Variants in ELAPOR2 observed in about 807,000 individuals in gnomAD.
ELAPOR2 encodes the protein endosome-lysosome associated apoptosis and autophagy regulator family member 2.
A neutral mutation model predicts 120.7 loss-of-function variants in ELAPOR2; 89 were observed. The observed-to-expected ratio is 0.74, with a 90% CI of 0.62 to 0.88. The LOEUF (loss-of-function observed/expected upper bound fraction) is 0.88. Among genes scored for constraint, ELAPOR2 ranks in the 40% least tolerant of loss-of-function variants. The pLI is 0.00. For synonymous variants in ELAPOR2, 444 were observed against 444.9 expected (o/e 1.00, Z 0.03); for missense variants, 1,134 against 1,251.6 (o/e 0.91, Z 1.42).
At chr7:86,971,045 A>C (rs1046291124) in intron 1 of ELAPOR2, among the ~76,000 whole-genome samples, 3 of 152,174 alleles carry the variant, frequency 2.0e-5, no homozygotes, top group Non-Finnish European at 4.4e-5. Flanking sequence ...GAAAGTACAT[A>C]AGGTTTCTTT....
chr7:87,041,907 A>G (rs1452668103), intron 1 of ELAPOR2, among the ~76,000 whole-genome samples: 2 of 151,860 alleles, frequency 1.3e-5, no homozygotes. Context: ...AAATAAAAGG[A>G]TGGAGGAAGA....
At chr7:86,897,392 A>G in intron 19 of ELAPOR2, 114 bp downstream of exon 19, 4 of 1,283,250 alleles carry the variant, frequency 3.1e-6, no homozygotes, top group Non-Finnish European at 4.3e-6. Flanking sequence ...CTACCAATGT[A>G]ACATTAAGTT....
chr7:86,940,077 T>C lies in ELAPOR2; in HGVS notation c.780A>G (p.Arg260=), dbSNP rs1417136378. 1.2e-6 allele frequency: 2 copies of C among 1,612,370 alleles called. No homozygotes were observed. The highest frequency in any genetic ancestry group is 3.3e-5 in the Admixed American group (2 of 59,916). ...TAGAACCCATAAGGATGCCTGTAGT[T>C]CTCCAGTAGAGTATGTTTGTGCCTG... ...LKSGTNILYW[R]TTGILMGSKA... is the part of the protein sequence containing the mutation. Residue 260 remains arginine (R), a synonymous_variant, in exon 6 of 22, where the codon AGA becomes AGG. Coordinates refer to ENST00000450689, the MANE Select transcript of ELAPOR2 (RefSeq NM_001142749.3).
chr7:86,966,363 T>C (rs368870760), intron 1 of ELAPOR2, among the ~76,000 whole-genome samples: 10 of 152,326 alleles, frequency 6.6e-5, no homozygotes, highest in African/African-American at 2.2e-4. Flanking sequence ...AGTATCACTT[T>C]CAATATTTTT....
intron 18 of ELAPOR2, among the ~76,000 whole-genome samples, chr7:86,897,918 C>T (rs1165643358): frequency 1.3e-5 from 2 of 152,124 alleles, no homozygotes; most frequent in Admixed American, 6.6e-5. Flanking sequence ...TGTGCACCTG[C>T]TTTGAAAAGT....
intron 1 of ELAPOR2, among the ~76,000 whole-genome samples, chr7:87,034,261 C>G (rs111754560): frequency 0.024 from 3,690 of 152,034 alleles, 173 homozygotes; most frequent in African/African-American, 0.085. Context: ...GAAGATGCGG[C>G]GGTTCAAGCT....
chr7:87,011,249 CAA>C (rs772971682), intron 1 of ELAPOR2, among the ~76,000 whole-genome samples: 7 of 52,968 alleles, frequency 1.3e-4, no homozygotes, highest in Admixed American at 6.5e-4. Flanking sequence ...GACTCCATCT[CAA>C]AAAAAAAAAA....
intron 21 of ELAPOR2, among the ~76,000 whole-genome samples, chr7:86,882,191 T>C (rs1026749734): frequency 2.0e-5 from 3 of 152,184 alleles, no homozygotes; most frequent in East Asian, 1.9e-4. Flanking sequence ...CCATTAGCAG[T>C]TGAAATATTT....
chr7:87,018,530 A>G (rs1279817329), intron 1 of ELAPOR2, among the ~76,000 whole-genome samples: 1 of 152,202 alleles, frequency 6.6e-6, no homozygotes, highest in Non-Finnish European at 1.5e-5. Context: ...GGTAAAAACA[A>G]TTTCACCCAA....
chr7:86,999,140 A>G (rs1345886393), intron 1 of ELAPOR2, among the ~76,000 whole-genome samples: 2 of 151,966 alleles, frequency 1.3e-5, no homozygotes, highest in Non-Finnish European at 2.9e-5. Context: ...TACCCAGTCA[A>G]TATCACCCAA....
chr7:86,909,251 C>A (rs1432068682), intron 16 of ELAPOR2, among the ~76,000 whole-genome samples: 3 of 152,044 alleles, frequency 2.0e-5, no homozygotes, highest in African/African-American at 4.8e-5. Context: ...GTTAAAACCA[C>A]AGATTCCTAA....
At chr7:86,979,943 A>G (rs1157412753) in intron 1 of ELAPOR2, among the ~76,000 whole-genome samples, 1 of 152,200 alleles carries the variant, frequency 6.6e-6, no homozygotes, top group Admixed American at 6.5e-5. Context: ...GAAACTAAAA[A>G]TCATGGTTTC....
intron 8 of ELAPOR2, among the ~76,000 whole-genome samples, chr7:86,934,067 G>A (rs1790454918): frequency 6.6e-6 from 1 of 151,942 alleles, no homozygotes; most frequent in South Asian, 2.1e-4. Context: ...TGTAGTGAAT[G>A]TTTATTGAGA....
Position 87,026,461 on chromosome 7 carries a change from A to G in ELAPOR2, c.189+32864T>C, listed in dbSNP as rs529450720. Among the ~76,000 whole-genome samples, 1,066 of 152,082 alleles carry G rather than the reference A, an allele frequency of 7.0e-3. 15 individuals are homozygous for G. Among genetic ancestry groups the G allele is most frequent in the African/African-American group, 0.024 (1,011 of 41,530 alleles). ...ATACAAAGTTAGGAATTAAAAAAAA[A>G]AAGACTCTCTCAAGAGAGTCATTCA... On this transcript the variant is annotated intron_variant, in intron 1 of 21. Coordinates refer to ENST00000450689, the MANE Select transcript of ELAPOR2 (RefSeq NM_001142749.3).
rs1799194657 is a variant in ELAPOR2, at chr7:86,877,025, GC to G, written c.*3445del. 6.6e-6 allele frequency: 1 copy of G among 152,044 alleles called. No individual in the cohort carries two copies. The highest frequency in any genetic ancestry group is 6.6e-5 in the Admixed American group (1 of 15,254). 9.4% of individuals were successfully genotyped at this position (152,044 alleles called of 1,614,324 possible). On this transcript the variant is annotated 3_prime_UTR_variant, in exon 22 of 22. Transcript: ENST00000450689. ...TGAGTAAATGCAATAGAGCCCACAT[GC>G]CCTGCAAAGCCAAAACTATGTACTA...
intron 1 of ELAPOR2, among the ~76,000 whole-genome samples, chr7:87,014,343 TG>T (rs538405193): frequency 2.0e-5 from 3 of 152,224 alleles, no homozygotes; most frequent in Non-Finnish European, 4.4e-5. Flanking sequence ...TCAGTCTTCA[TG>T]GCAACTTCAC....
At position 86,984,166 on chromosome 7, in the gene ELAPOR2, A is replaced by T. The variant is rs912364882; in HGVS notation, c.190-19142T>A. 4.0e-4 allele frequency among the ~76,000 whole-genome samples: 61 copies of T among 152,192 alleles called. 1 individual carries two copies. The highest frequency in any genetic ancestry group is 1.2e-4 in the Non-Finnish European group (8 of 68,034). On this transcript the variant is annotated intron_variant, in intron 1 of 21. Coordinates refer to ENST00000450689, the MANE Select transcript of ELAPOR2 (RefSeq NM_001142749.3). ...TAAATATATATGCACCTAATACAGG[A>T]GCACCTAGATTCATAAAGCAAGTCC... is the stretch of plus-strand genomic sequence containing the variant.
chr7:86,974,477 A>G (rs1265509218), intron 1 of ELAPOR2, among the ~76,000 whole-genome samples: 1 of 152,160 alleles, frequency 6.6e-6, no homozygotes, highest in East Asian at 1.9e-4. Flanking sequence ...GATTTCATAT[A>G]GTCCATTTTA....
intron 18 of ELAPOR2, among the ~76,000 whole-genome samples, chr7:86,901,277 T>C (rs967440913): frequency 2.0e-5 from 3 of 152,344 alleles, no homozygotes; most frequent in African/African-American, 7.2e-5. Flanking sequence ...GATTGCCTTA[T>C]GAATCTGGAT....
Sources: allele counts gnomAD v4.1 joint callset (sites outside exome capture counted in the v4.1 genomes callset), GRCh38; gene constraint gnomAD v4.1.1; transcripts MANE v1.5; gene names NCBI Gene and HGNC (gene_info 2026-07-23, HGNC 2026-07-21).